Variants in SETDB2 observed in about 807,000 individuals in gnomAD.
The protein encoded by SETDB2 is SET domain bifurcated histone lysine methyltransferase 2, also known as histone-lysine N-methyltransferase SETDB2.
A neutral mutation model predicts 82.5 loss-of-function variants in SETDB2; 56 were observed. The ratio of observed to expected loss-of-function variants is 0.68; its 90% CI spans 0.55 to 0.85. The LOEUF (loss-of-function observed/expected upper bound fraction) is 0.85. Among genes scored for constraint, SETDB2 ranks in the 40% least tolerant of loss-of-function variants. The pLI is 0.00. For synonymous variants in SETDB2, 272 were observed against 284.9 expected, an observed-to-expected ratio of 0.95 and a Z score of 0.46; for missense variants, 677 against 816.4, an observed-to-expected ratio of 0.83 and a Z score of 2.08.
intron 2 of SETDB2, among the ~76,000 whole-genome samples, chr13:49,455,775 TAAAA>T (rs543145116): frequency 6.7e-6 from 1 of 149,104 alleles, no homozygotes; most frequent in African/African-American, 2.5e-5. Flanking sequence ...GGTTTTCATT[TAAAA>T]AAAAACAAAA....
chr13:49,478,609 G>A (rs972317137), intron 6 of SETDB2, among the ~76,000 whole-genome samples: 5 of 152,142 alleles, frequency 3.3e-5, no homozygotes, highest in Non-Finnish European at 2.9e-5. Context: ...TAATTGAAAG[G>A]GATTTTAAAA....
chr13:49,457,319 C>T (rs924231027), intron 2 of SETDB2, among the ~76,000 whole-genome samples: 1 of 139,824 alleles, frequency 7.2e-6, no homozygotes, highest in Non-Finnish European at 1.5e-5. Flanking sequence ...TTAAGTATTT[C>T]CTACCAGAAT....
At chr13:49,475,606 C>G (rs996754091) in intron 5 of SETDB2, among the ~76,000 whole-genome samples, 43 of 151,944 alleles carry the variant, frequency 2.8e-4, no homozygotes, top group African/African-American at 1.0e-3. Context: ...CCCACCTCAG[C>G]CCCCGAAGTA....
chr13:49,469,835 T>C (rs1410761340), intron 5 of SETDB2, among the ~76,000 whole-genome samples: 1 of 152,158 alleles, frequency 6.6e-6, no homozygotes, highest in African/African-American at 2.4e-5. Context: ...TTTTTCCTCT[T>C]GTTTCCAACT....
At chr13:49,457,835 C>G (rs894344326) in intron 2 of SETDB2, among the ~76,000 whole-genome samples, 17 of 151,980 alleles carry the variant, frequency 1.1e-4, no homozygotes, top group Admixed American at 1.1e-3. Flanking sequence ...TTATGTGATT[C>G]CAGAATACTT....
At position 49,467,887 on chromosome 13, in the gene SETDB2, G is replaced by A; in HGVS notation, c.232G>A (p.Glu78Lys). The stretch of plus-strand genomic sequence containing the variant: ...AGATCCTATGCCTGTGACTCAGAAG[G>A]AACAGGAAAACAAATCCAATGCATT... ...IKDPMPVTQK[E>K]QENKSNAFPS... The change falls in exon 5 of 14, where the codon GAA becomes AAA. Residue 78 changes from glutamate (E) to lysine (K), a missense_variant. Around this residue, in one of 3 missense-constraint regions of SETDB2, gnomAD observed 243 missense variants for 237.2 expected, o/e 1.02. Transcript: ENST00000611815. 6.3e-7 allele frequency: 1 copy of A among 1,577,958 alleles called. No homozygotes were observed. The highest frequency in any genetic ancestry group is 1.8e-5 in the Admixed American group (1 of 57,098).
chr13:49,476,719 T>G lies in SETDB2; in HGVS notation c.549T>G (p.Cys183Trp). Residue 183 changes from cysteine (C) to tryptophan (W), a missense_variant, in exon 6 of 14, where the codon TGT (cysteine) becomes TGG (tryptophan). Physicochemically the swap from Cys to Trp is radical, Grantham distance 215. Coordinates refer to ENST00000611815, the MANE Select transcript of SETDB2 (RefSeq NM_001160308.3). ...SALHVSYKTP[C>W]GRSLRNVEEV... Reference sequence around the variant, plus strand: ...TCCACGTGAGTTATAAAACCCCTTGTGGAAGGAGTCTACGAAACGTGGAGG... The same window carrying G: ...TCCACGTGAGTTATAAAACCCCTTGGGGAAGGAGTCTACGAAACGTGGAGG... 1 of 1,614,224 alleles carries G rather than the reference T, an allele frequency of 6.2e-7. No homozygotes were observed. Among genetic ancestry groups the G allele is most frequent in the Non-Finnish European group, 8.5e-7 (1 of 1,180,036 alleles).
At chr13:49,464,339 C>G (rs1279852478) in intron 4 of SETDB2, among the ~76,000 whole-genome samples, 2 of 152,188 alleles carry the variant, frequency 1.3e-5, no homozygotes, top group Non-Finnish European at 2.9e-5. Flanking sequence ...GAGACAACTT[C>G]TTCCTGTATT....
intron 2 of SETDB2, among the ~76,000 whole-genome samples, chr13:49,459,436 A>C (rs891037474): frequency 2.6e-5 from 4 of 152,220 alleles, no homozygotes; most frequent in African/African-American, 9.6e-5. Flanking sequence ...AATTTTATAC[A>C]TTGTAACATT....
rs1958150989 is a variant in SETDB2, at chr13:49,467,965, G to A, written c.305+5G>A. 1.3e-6 allele frequency: 2 copies of A among 1,563,172 alleles called. No individual in the cohort carries two copies. Among genetic ancestry groups the A allele is most frequent in the African/African-American group, 1.4e-5 (1 of 73,244 alleles). Reference sequence around the variant, plus strand: ...TCCAGAAGACTGTACATTTCTGTATGTATATAAATTCTTTGTTATTAATGC... The same window carrying A: ...TCCAGAAGACTGTACATTTCTGTATATATATAAATTCTTTGTTATTAATGC... On this transcript the variant is annotated splice_donor_5th_base_variant and intron_variant, in intron 5 of 13. Transcript: ENST00000611815.
intron 4 of SETDB2, among the ~76,000 whole-genome samples, chr13:49,466,201 A>G (rs533958168): frequency 1.3e-5 from 2 of 152,262 alleles, no homozygotes; most frequent in African/African-American, 4.8e-5. Flanking sequence ...TGGAAGGCTG[A>G]GGTGGCAGGA....
chr13:49,489,668 C>G (rs1594184567), intron 12 of SETDB2, among the ~76,000 whole-genome samples: 1 of 136,722 alleles, frequency 7.3e-6, no homozygotes, highest in East Asian at 2.2e-4. Flanking sequence ...GTGATCTCGG[C>G]CCACTGCGAT....
intron 10 of SETDB2, 119 bp from the exon 11 acceptor site, chr13:49,485,511 T>G (rs377072319): frequency 8.0e-6 from 6 of 749,040 alleles, no homozygotes; most frequent in East Asian, 2.5e-5. Flanking sequence ...GCTTTGAGGC[T>G]TTTCAAAACG....
At chr13:49,457,219 T>C (rs78651484) in intron 2 of SETDB2, among the ~76,000 whole-genome samples, 1 of 151,746 alleles carries the variant, frequency 6.6e-6, no homozygotes, top group Non-Finnish European at 1.5e-5. Context: ...CTAAGACTTT[T>C]TTTTTTTTTT....
chr13:49,455,243 A>G (rs936067977), intron 2 of SETDB2, among the ~76,000 whole-genome samples: 1 of 152,168 alleles, frequency 6.6e-6, no homozygotes, highest in African/African-American at 2.4e-5. Flanking sequence ...AAGAAGGAAG[A>G]GTATTTCAAT....
At chr13:49,464,913 A>C (rs1958071084) in intron 4 of SETDB2, among the ~76,000 whole-genome samples, 1 of 151,946 alleles carries the variant, frequency 6.6e-6, no homozygotes, top group South Asian at 2.1e-4. Flanking sequence ...AATAAAAAAA[A>C]AAATTAGTTG....
intron 8 of SETDB2, chr13:49,481,934 GA>G (rs1958487038): frequency 9.2e-6 from 4 of 435,324 alleles, no homozygotes; most frequent in Non-Finnish European, 1.2e-5. Context: ...CATGTGCTTA[GA>G]AAAGAAATAT....
rs1036220869 is a variant in SETDB2 at position 49,492,217 on chromosome 13, G to GC, written c.*375dup. 5.0e-5 allele frequency: 9 copies of GC among 179,502 alleles called. No individual in the cohort carries two copies. Among genetic ancestry groups the GC allele is most frequent in the East Asian group, 1.6e-4 (1 of 6,330 alleles). The allele number at this position is 179,502 out of a possible 1,614,324, so 11.1% of individuals were successfully genotyped here. On this transcript the variant is annotated 3_prime_UTR_variant, in exon 14 of 14. Coordinates refer to ENST00000611815, the MANE Select transcript of SETDB2 (RefSeq NM_001160308.3). ...TTGTGACTGTTACCTTTTAGTTCAT[G>GC]CCCCCCCAAAGAGCTAAATTTCACA...
In SETDB2 at chr13:49,494,133, TC is replaced by T. The variant is rs61541016; in HGVS notation, c.*2286del. 144 of 152,348 alleles carry T rather than the reference TC, an allele frequency of 9.5e-4. No homozygotes were observed. The highest frequency in any genetic ancestry group is 3.3e-3 in the African/African-American group (138 of 41,576). 9.4% of individuals were successfully genotyped at this position (152,348 alleles called of 1,614,324 possible). On this transcript the variant is annotated 3_prime_UTR_variant, in exon 14 of 14. Coordinates refer to ENST00000611815, the MANE Select transcript of SETDB2 (RefSeq NM_001160308.3). ...CTAGGAGCATTTCTCAATTTAATCTTCCAGTTCATCTGTTGCATTTTATTTT... is the reference window on the plus strand; with the variant it reads ...CTAGGAGCATTTCTCAATTTAATCTTCAGTTCATCTGTTGCATTTTATTTT...
Sources: allele counts gnomAD v4.1 joint callset (sites outside exome capture counted in the v4.1 genomes callset), GRCh38; gene constraint gnomAD v4.1.1; regional missense constraint gnomAD v4.1.1; transcripts MANE v1.5; gene names NCBI Gene and HGNC (gene_info 2026-07-23, HGNC 2026-07-21).